Variants in TTC33 observed in about 807,000 individuals in gnomAD.
TTC33 encodes the protein tetratricopeptide repeat domain 33.
A neutral mutation model predicts 29.4 loss-of-function variants in TTC33; 24 were observed. The observed-to-expected ratio is 0.82, with a 90% CI of 0.59 to 1.15. The LOEUF (loss-of-function observed/expected upper bound fraction) is 1.15. TTC33 is among the 50% of genes most tolerant of loss of function. TTC33 has a pLI of 0.00. For synonymous variants in TTC33, 107 were observed against 100.3 expected, an observed-to-expected ratio of 1.07 and a Z score of -0.40; for missense variants, 286 against 310.4, an observed-to-expected ratio of 0.92 and a Z score of 0.59.
At chr5:40,720,256 C>T (rs116596667) in intron 4 of TTC33, among the ~76,000 whole-genome samples, 118 of 152,280 alleles carry the variant, frequency 7.7e-4, no homozygotes, top group African/African-American at 2.8e-3. Context: ...CAAAGTCATT[C>T]ATTTGCATGT....
At chr5:40,718,788 C>T (rs151211080) in intron 4 of TTC33, among the ~76,000 whole-genome samples, 9,708 of 151,758 alleles carry the variant, frequency 0.064, 549 homozygotes, top group East Asian at 0.3. Flanking sequence ...GTAATCCCAG[C>T]TAATTTGGAG....
chr5:40,717,801 C>T (rs971414629), intron 4 of TTC33, among the ~76,000 whole-genome samples: 6 of 152,184 alleles, frequency 3.9e-5, no homozygotes, highest in South Asian at 2.1e-4. Context: ...CCATGGCTCA[C>T]GCCTGTAATC....
chr5:40,725,832 C>T (rs1449861384), intron 4 of TTC33, among the ~76,000 whole-genome samples: 1 of 146,184 alleles, frequency 6.8e-6, no homozygotes, highest in Non-Finnish European at 1.5e-5. Context: ...GTCACCCAGG[C>T]TGGAGTGCAG....
intron 1 of TTC33, among the ~76,000 whole-genome samples, chr5:40,754,602 T>C (rs533947533): frequency 6.6e-6 from 1 of 152,222 alleles, no homozygotes; most frequent in Non-Finnish European, 1.5e-5. Flanking sequence ...GAATCTGTTA[T>C]CAAGGCCATT....
chr5:40,718,899 A>T (rs1475349377), intron 4 of TTC33, among the ~76,000 whole-genome samples: 2 of 152,122 alleles, frequency 1.3e-5, no homozygotes, highest in Non-Finnish European at 2.9e-5. Context: ...AGACTGTCTC[A>T]AAATAAATAA....
chr5:40,716,546 T>A (rs771592167), intron 4 of TTC33, 48 bp from the exon 5 acceptor site: 7 of 1,236,790 alleles, frequency 5.7e-6, no homozygotes, highest in Non-Finnish European at 6.9e-6. Flanking sequence ...AAAATTAGTA[T>A]GTTTAATACA....
intron 3 of TTC33, among the ~76,000 whole-genome samples, chr5:40,729,697 A>G (rs1184483767): frequency 6.6e-6 from 1 of 151,904 alleles, no homozygotes; most frequent in Non-Finnish European, 1.5e-5. Context: ...TTTATTTTTT[A>G]TTTACTTATT....
rs145981940 is a variant in TTC33, at chr5:40,735,737, G to C, written c.222-5394C>G. On this transcript the variant is annotated intron_variant, in intron 2 of 4. Transcript: ENST00000337702. Reference sequence around the variant, plus strand: ...CAAGGACAAGCATGATAGCATGGTGGTGTGGAAGATGAGAGAGCAGTGTAT... The same window carrying C: ...CAAGGACAAGCATGATAGCATGGTGCTGTGGAAGATGAGAGAGCAGTGTAT... 4.2e-3 allele frequency among the ~76,000 whole-genome samples: 634 copies of C among 152,324 alleles called. 3 individuals are homozygous for C. Among genetic ancestry groups the C allele is most frequent in the African/African-American group, 0.015 (608 of 41,564 alleles).
chr5:40,722,747 C>T (rs139543166), intron 4 of TTC33, among the ~76,000 whole-genome samples: 11,914 of 151,584 alleles, frequency 0.079, 652 homozygotes, highest in Non-Finnish European at 0.12. Flanking sequence ...GCAGCCCCTG[C>T]CCGGCCAGAC....
At position 40,714,409 on chromosome 5, in the gene TTC33, A is replaced by G. The variant is rs1367287923; in HGVS notation, c.*1736T>C. The G allele has an allele frequency of 6.6e-6, 1 of 152,226 alleles. No individual in the cohort carries two copies. The highest frequency in any genetic ancestry group is 1.5e-5 in the Non-Finnish European group (1 of 68,018). The allele number at this position is 152,226 out of a possible 1,614,324, so 9.4% of individuals were successfully genotyped here. ...AATATATTAAGTTCATATAAGAAAGACACTAAGTAGATCAATCTAATTTTT... is the reference window on the plus strand; with the variant it reads ...AATATATTAAGTTCATATAAGAAAGGCACTAAGTAGATCAATCTAATTTTT... On this transcript the variant is annotated 3_prime_UTR_variant, in exon 5 of 5. Coordinates refer to ENST00000337702, the MANE Select transcript of TTC33 (RefSeq NM_012382.3).
chr5:40,740,943 A>C (rs145388669), intron 2 of TTC33, among the ~76,000 whole-genome samples: 64 of 152,192 alleles, frequency 4.2e-4, no homozygotes, highest in African/African-American at 1.4e-3. Flanking sequence ...TTTTTTTAAT[A>C]TATCTTCCAT....
At chr5:40,736,849 G>A (rs574411846) in intron 2 of TTC33, among the ~76,000 whole-genome samples, 1 of 150,836 alleles carries the variant, frequency 6.6e-6, no homozygotes, top group African/African-American at 2.4e-5. Context: ...TTTGAATGGA[G>A]GTAATCTGAC....
intron 2 of TTC33, 28 bp from the exon 3 acceptor site, chr5:40,730,371 CA>C: frequency 6.4e-7 from 1 of 1,570,906 alleles, no homozygotes; most frequent in Non-Finnish European, 8.7e-7. Flanking sequence ...ATATCAATGC[CA>C]TATTTTCAAT....
At chr5:40,735,848 G>C (rs1239003833) in intron 2 of TTC33, among the ~76,000 whole-genome samples, 4 of 152,142 alleles carry the variant, frequency 2.6e-5, no homozygotes, top group African/African-American at 9.7e-5. Flanking sequence ...TGACAACATG[G>C]AGGTCACTGA....
rs1462190418 is a variant in TTC33, at chr5:40,713,590, T to C, written c.*2555A>G. ...TAATATATTTAAGATAAATACTCTA[T>C]AACCAAACAGCCTGTTTTCTAGAGA... On this transcript the variant is annotated 3_prime_UTR_variant, in exon 5 of 5. Transcript: ENST00000337702. 1.3e-5 allele frequency among the ~76,000 whole-genome samples: 2 copies of C among 152,162 alleles called. No individual in the cohort carries two copies. The highest frequency in any genetic ancestry group is 2.9e-5 in the Non-Finnish European group (2 of 68,008).
At position 40,716,361 on chromosome 5, in the gene TTC33, A is replaced by G; in HGVS notation, c.573T>C (p.Ala191=). 6.2e-7 allele frequency: 1 copy of G among 1,614,178 alleles called. No individual in the cohort carries two copies. Among genetic ancestry groups the G allele is most frequent in the Non-Finnish European group, 8.5e-7 (1 of 1,180,030 alleles). ...AQRIKKSEAP[A]EVTHFSPKSI... ...ACTTTGGTGAAAAGTGTGTTACTTC[A>G]GCTGGTGCTTCACTTTTTTTAATCC... is the stretch of plus-strand genomic sequence containing the variant. The change falls in exon 5 of 5, where the codon GCT becomes GCC. Residue 191 remains alanine, a synonymous_variant. Coordinates refer to ENST00000337702, the MANE Select transcript of TTC33 (RefSeq NM_012382.3).
intron 2 of TTC33, among the ~76,000 whole-genome samples, chr5:40,731,306 G>A (rs888080021): frequency 2.6e-5 from 4 of 152,062 alleles, no homozygotes; most frequent in African/African-American, 9.7e-5. Flanking sequence ...CCACTCAGCA[G>A]GGTTTTTATA....
At chr5:40,725,488 G>A (rs958696022) in intron 4 of TTC33, among the ~76,000 whole-genome samples, 1 of 152,138 alleles carries the variant, frequency 6.6e-6, no homozygotes, top group Admixed American at 6.5e-5. Flanking sequence ...GAAAACATTA[G>A]TAAACAAAAT....
chr5:40,744,925 A>T (rs1179597728), intron 2 of TTC33, among the ~76,000 whole-genome samples: 1 of 152,218 alleles, frequency 6.6e-6, no homozygotes, highest in Non-Finnish European at 1.5e-5. Flanking sequence ...AATATGATGC[A>T]GTATAAAGCA....
Sources: allele counts gnomAD v4.1 joint callset (sites outside exome capture counted in the v4.1 genomes callset), GRCh38; gene constraint gnomAD v4.1.1; transcripts MANE v1.5; gene names NCBI Gene and HGNC (gene_info 2026-07-23, HGNC 2026-07-21).